Variants in EXOC6B observed in about 807,000 individuals in gnomAD.
EXOC6B encodes the protein exocyst complex component 6B.
In EXOC6B, 54 loss-of-function variants were observed where a neutral mutation model predicts 113.5. The observed-to-expected ratio is 0.48, with a 90% confidence interval of 0.38 to 0.60. EXOC6B has a LOEUF of 0.60. Ranked by LOEUF, EXOC6B falls within the 20% of genes least tolerant of loss-of-function variation. EXOC6B has a pLI of 0.00. For missense variants in EXOC6B, 797 were observed against 977.5 expected (o/e 0.82, Z 2.46); for synonymous variants, 357 against 339.0 (o/e 1.05, Z -0.58).
intron 19 of EXOC6B, among the ~76,000 whole-genome samples, chr2:72,358,856 A>C (rs1237389168): frequency 1.3e-5 from 2 of 152,166 alleles, no homozygotes; most frequent in African/African-American, 4.8e-5. Context: ...TCTATTATTC[A>C]CATCTCATGA....
At chr2:72,251,274 G>A (rs1308013060) in intron 20 of EXOC6B, among the ~76,000 whole-genome samples, 1 of 152,130 alleles carries the variant, frequency 6.6e-6, no homozygotes, top group African/African-American at 2.4e-5. Context: ...TGTGCAAAGT[G>A]TATACAGGAA....
chr2:72,650,302 T>C (rs1674068091), intron 6 of EXOC6B, among the ~76,000 whole-genome samples: 2 of 152,152 alleles, frequency 1.3e-5, no homozygotes, highest in African/African-American at 4.8e-5. Flanking sequence ...ACTGCTGTTT[T>C]AGAAAATAGA....
Position 72,571,551 on chromosome 2 carries a change from G to A in EXOC6B, c.846+3941C>T, listed in dbSNP as rs142766135. Among the ~76,000 whole-genome samples, 681 of 152,128 alleles carry A rather than the reference G, an allele frequency of 4.5e-3. 29 individuals are homozygous for A. The East Asian group carries it at 0.1, about 23-fold the overall frequency. On this transcript the variant is annotated intron_variant, in intron 7 of 21. Transcript: ENST00000272427. ...CTTAGCCAATAATAAAATAAAAATA[G>A]AGAACTTTACTAGAAATACGTTTCT... is the stretch of plus-strand genomic sequence containing the variant.
In EXOC6B at chr2:72,825,714, G is replaced by A; in HGVS notation, c.113+84C>T. 2 of 1,416,568 alleles carry A rather than the reference G, an allele frequency of 1.4e-6. No homozygotes were observed. Among genetic ancestry groups the A allele is most frequent in the South Asian group, 1.5e-5 (1 of 67,272 alleles). The allele number at this position is 1,416,568 out of a possible 1,614,324, so 87.7% of individuals were successfully genotyped here. On this transcript the variant is annotated intron_variant, in intron 1 of 21. Transcript: ENST00000272427. This position sits in a 1 kb window ranked among gnomAD's most constrained non-coding sequence, Gnocchi z 4.4. Reference sequence around the variant, plus strand: ...GGGAGGGGCCGGCGCCGGACCTGGGGACAGCCGGCCGGAGGCCCGACCCAG... The same window carrying A: ...GGGAGGGGCCGGCGCCGGACCTGGGAACAGCCGGCCGGAGGCCCGACCCAG...
intron 20 of EXOC6B, among the ~76,000 whole-genome samples, chr2:72,235,705 G>A (rs189801117): frequency 3.6e-4 from 54 of 152,026 alleles, no homozygotes; most frequent in South Asian, 1.0e-3. Flanking sequence ...CTCAGCCACA[G>A]CCCTTTGAAT....
chr2:72,636,535 G>A (rs887216684), intron 6 of EXOC6B, among the ~76,000 whole-genome samples: 1 of 150,418 alleles, frequency 6.6e-6, no homozygotes, highest in Non-Finnish European at 1.5e-5. Context: ...AAGAGGCAGC[G>A]GCGGCAGCAG....
chr2:72,188,205 GC>G (rs1475503115), intron 20 of EXOC6B, among the ~76,000 whole-genome samples: 2 of 152,184 alleles, frequency 1.3e-5, no homozygotes, highest in Admixed American at 1.3e-4. Flanking sequence ...CCCCAGTCTT[GC>G]CTCCCTGCTG....
At chr2:72,187,843 G>C (rs1364302351) in intron 20 of EXOC6B, among the ~76,000 whole-genome samples, 4 of 152,178 alleles carry the variant, frequency 2.6e-5, no homozygotes, top group Non-Finnish European at 5.9e-5. Flanking sequence ...TTCTGCCCAG[G>C]AACCTGTCTG....
At chr2:72,312,712 G>A (rs1218554705) in intron 20 of EXOC6B, among the ~76,000 whole-genome samples, 7 of 150,122 alleles carry the variant, frequency 4.7e-5, no homozygotes, top group Non-Finnish European at 8.9e-5. Flanking sequence ...CTGCGATCGC[G>A]CCATTGCACT....
intron 6 of EXOC6B, among the ~76,000 whole-genome samples, chr2:72,588,218 T>C (rs1168407038): frequency 6.6e-6 from 1 of 152,034 alleles, no homozygotes; most frequent in Non-Finnish European, 1.5e-5. Context: ...ATCAAAGAAA[T>C]ACCTGCAAGC....
chr2:72,652,668 T>C (rs975937626), intron 6 of EXOC6B, among the ~76,000 whole-genome samples: 1 of 148,978 alleles, frequency 6.7e-6, no homozygotes, highest in South Asian at 2.1e-4. Context: ...TATATAAATA[T>C]ATGTATATAT....
At chr2:72,272,582 C>G (rs1013132475) in intron 20 of EXOC6B, among the ~76,000 whole-genome samples, 1 of 152,132 alleles carries the variant, frequency 6.6e-6, no homozygotes, top group Non-Finnish European at 1.5e-5. Context: ...TCCTATAAAA[C>G]AGCATTTCTC....
At chr2:72,617,422 C>A (rs192361636) in intron 6 of EXOC6B, among the ~76,000 whole-genome samples, 1 of 152,096 alleles carries the variant, frequency 6.6e-6, no homozygotes, top group African/African-American at 2.4e-5. Context: ...CCATGAGGGA[C>A]CCACCCCTGC....
chr2:72,304,106 C>T (rs189674755), intron 20 of EXOC6B, among the ~76,000 whole-genome samples: 3 of 152,326 alleles, frequency 2.0e-5, no homozygotes, highest in African/African-American at 7.2e-5. Flanking sequence ...TTTCTCCATT[C>T]TCCAATCTTG....
At chr2:72,380,513 G>A (rs979688901) in intron 18 of EXOC6B, among the ~76,000 whole-genome samples, 48 of 152,070 alleles carry the variant, frequency 3.2e-4, no homozygotes, top group Admixed American at 9.8e-4. Context: ...GGTGGCAGGC[G>A]CCTGTAGTCC....
intron 18 of EXOC6B, among the ~76,000 whole-genome samples, chr2:72,430,020 G>A (rs1018763528): frequency 3.3e-5 from 5 of 152,106 alleles, no homozygotes; most frequent in Admixed American, 1.3e-4. Context: ...ATATTGCTAA[G>A]GGGAAAACTG....
At chr2:72,397,060 T>C (rs1398670736) in intron 18 of EXOC6B, among the ~76,000 whole-genome samples, 3 of 152,070 alleles carry the variant, frequency 2.0e-5, no homozygotes, top group African/African-American at 7.2e-5. Flanking sequence ...TAATAATCCA[T>C]GGCAATTACA....
In EXOC6B at chr2:72,637,884, G is replaced by C. The variant is rs747641711; in HGVS notation, c.670-62216C>G. On this transcript the variant is annotated intron_variant, in intron 6 of 21. Transcript: ENST00000272427. ...AAAGTAGTACTAAGCAGAAAGTTTA[G>C]AGCAAAAGTAGTATATCAAAAAAGC... is the stretch of plus-strand genomic sequence containing the variant. 6.2e-4 allele frequency among the ~76,000 whole-genome samples: 94 copies of C among 150,522 alleles called. 1 individual carries two copies. Among genetic ancestry groups the C allele is most frequent in the Middle Eastern group, 7.1e-3 (2 of 280 alleles).
Position 72,636,331 on chromosome 2 carries a change from GGGAA to G in EXOC6B, c.670-60667_670-60664del, listed in dbSNP as rs1413671048. Among the ~76,000 whole-genome samples, 170 of 80,874 alleles carry G rather than the reference GGGAA, an allele frequency of 2.1e-3. 1 individual carries two copies. The highest frequency in any genetic ancestry group is 3.8e-3 in the Admixed American group (22 of 5,862). The allele number at this position is 80,874 out of a possible 152,430, so 53.1% of individuals were successfully genotyped here. On this transcript the variant is annotated intron_variant, in intron 6 of 21. Coordinates refer to ENST00000272427, the MANE Select transcript of EXOC6B (RefSeq NM_015189.3). ...AGGCAGGGAGGGAGGGAGGGAAGGA[GGGAA>G]GGAAGGAAGGAAGGAAGGAAGGAAG...
Sources: gnomAD v4.1 joint callset for allele counts (sites outside exome capture counted in the v4.1 genomes callset) on GRCh38, gnomAD v4.1.1 for gene constraint, Gnocchi (gnomAD v3.1) non-coding constraint, MANE v1.5 for transcripts, NCBI Gene and HGNC (gene_info 2026-07-23, HGNC 2026-07-21) for gene names.